The following CHRNA7 variants were observed in gnomAD, a reference collection of about 807,000 sequenced individuals.
CHRNA7 encodes the protein neuronal acetylcholine receptor subunit alpha-7.
CHRNA7 carries 17 observed loss-of-function variants against 48.0 expected under a neutral mutation model. That is an observed-to-expected ratio of 0.35 (90% CI 0.24 to 0.53). CHRNA7 has a LOEUF of 0.53. CHRNA7 is among the 20% of genes least tolerant of loss of function. The pLI is 0.92. For missense variants in CHRNA7, 155 were observed against 577.7 expected (o/e 0.27, Z 7.50); for synonymous variants, 75 against 242.3 (o/e 0.31, Z 6.41).
chr15:32,070,729 C>G (rs901649498), intron 2 of CHRNA7, among the ~76,000 whole-genome samples: 1 of 116,022 alleles, frequency 8.6e-6, no homozygotes, highest in Non-Finnish European at 1.6e-5. Flanking sequence ...CTCTGTCGCC[C>G]AGGCTGGAGT....
chr15:32,121,449 G>A (rs2050968596), intron 4 of CHRNA7, among the ~76,000 whole-genome samples: 1 of 152,234 alleles, frequency 6.6e-6, no homozygotes, highest in Non-Finnish European at 1.5e-5. Context: ...TAAATGGCTT[G>A]TTGACGCAGT....
chr15:32,032,309 G>A (rs1016317305), intron 2 of CHRNA7, among the ~76,000 whole-genome samples: 5 of 152,136 alleles, frequency 3.3e-5, no homozygotes, highest in Admixed American at 6.5e-5. Context: ...TGCTGTTTAT[G>A]GAGCAGTTCC....
In CHRNA7 at chr15:32,149,971, C is replaced by T. The variant is rs1039202535; in HGVS notation, c.351-3936C>T. Among the ~76,000 whole-genome samples the T allele has an allele frequency of 1.6e-4, 25 of 151,852 alleles. No homozygotes were observed. Among genetic ancestry groups the T allele is most frequent in the African/African-American group, 6.0e-4 (25 of 41,340 alleles). On this transcript the variant is annotated intron_variant, in intron 4 of 9. Coordinates refer to ENST00000306901, the MANE Select transcript of CHRNA7 (RefSeq NM_000746.6). The surrounding 1 kb of genome is among the most constrained non-coding windows in gnomAD (Gnocchi z 4.6). ...GGAAGAAACCCAAGCTTAAAATAAG[C>T]AAAACTTTGTTCCCCATAACATGCA...
In CHRNA7 at chr15:32,043,254, A is replaced by AG. The variant is rs1347566583; in HGVS notation, c.195+12217_195+12218insG. 5.3e-5 allele frequency among the ~76,000 whole-genome samples: 8 copies of AG among 151,556 alleles called. No homozygotes were observed. The South Asian group carries it at 1.3e-3, about 24-fold the overall frequency. ...TTTGTAATTTAAAAACCATTTTAAA[A>AG]ATGTGTTTAAATGATTTATGATGAT... On this transcript the variant is annotated intron_variant, in intron 2 of 9. Coordinates refer to ENST00000306901, the MANE Select transcript of CHRNA7 (RefSeq NM_000746.6).
chr15:32,132,283 A>G (rs949777300), intron 4 of CHRNA7, among the ~76,000 whole-genome samples: 1 of 152,020 alleles, frequency 6.6e-6, no homozygotes, highest in African/African-American at 2.4e-5. Flanking sequence ...TTTTTGGTGC[A>G]TTCTTCTCCA....
chr15:32,085,446 A>G (rs2050280767), intron 2 of CHRNA7, among the ~76,000 whole-genome samples: 1 of 152,224 alleles, frequency 6.6e-6, no homozygotes, highest in African/African-American at 2.4e-5. Context: ...TAAGATGCAC[A>G]TTAGTTTCAC....
intron 9 of CHRNA7, among the ~76,000 whole-genome samples, chr15:32,164,951 C>G: frequency 8.0e-6 from 1 of 125,240 alleles, no homozygotes; most frequent in Admixed American, 8.5e-5. Flanking sequence ...AAAAGACTGA[C>G]TTGTAGCTCA....
At chr15:32,065,993 A>T (rs549955852) in intron 2 of CHRNA7, among the ~76,000 whole-genome samples, 13 of 152,104 alleles carry the variant, frequency 8.5e-5, no homozygotes, top group African/African-American at 3.1e-4. Flanking sequence ...AGCCCACTGC[A>T]AACACTGGGG....
chr15:32,103,889 A>G (rs2050616463), intron 3 of CHRNA7, among the ~76,000 whole-genome samples: 2 of 152,210 alleles, frequency 1.3e-5, no homozygotes, highest in Non-Finnish European at 2.9e-5. Flanking sequence ...TGATACATCA[A>G]CAAATCCTGG....
At chr15:32,059,330 C>T (rs903455804) in intron 2 of CHRNA7, among the ~76,000 whole-genome samples, 1 of 152,120 alleles carries the variant, frequency 6.6e-6, no homozygotes, top group Non-Finnish European at 1.5e-5. Flanking sequence ...ATGGATTATG[C>T]AGTAGCCAAG....
At chr15:32,114,855 C>T (rs2050841731) in intron 4 of CHRNA7, among the ~76,000 whole-genome samples, 1 of 152,218 alleles carries the variant, frequency 6.6e-6, no homozygotes, top group South Asian at 2.1e-4. Flanking sequence ...CAGCCATGGG[C>T]TGGGGCTCCA....
intron 4 of CHRNA7, among the ~76,000 whole-genome samples, chr15:32,153,131 T>A (rs1296304957): frequency 6.6e-6 from 1 of 152,050 alleles, no homozygotes; most frequent in Non-Finnish European, 1.5e-5. Context: ...ATTCAAGATA[T>A]ATATGTGGGC....
intron 2 of CHRNA7, among the ~76,000 whole-genome samples, chr15:32,057,808 C>T (rs2049811465): frequency 6.6e-6 from 1 of 152,130 alleles, no homozygotes; most frequent in Admixed American, 6.5e-5. Context: ...AAATGGACAA[C>T]GTCCATAGAA....
chr15:32,131,078 A>G (rs968450189), intron 4 of CHRNA7, among the ~76,000 whole-genome samples: 1 of 151,824 alleles, frequency 6.6e-6, no homozygotes, highest in African/African-American at 2.4e-5. Context: ...CCCCTTACGG[A>G]TCATTTTTCT....
Position 32,083,948 on chromosome 15 carries a change from A to G in CHRNA7, c.196-17355A>G, listed in dbSNP as rs2050255325. Among the ~76,000 whole-genome samples the G allele has an allele frequency of 3.3e-5, 5 of 152,304 alleles. No homozygotes were observed. In the South Asian group the frequency reaches 1.0e-3, roughly 32 times the overall value. ...ATGAATGGTCTGTATTTGATTTTTT[A>G]GCACCTCACTATTCATCAGTATAAG... On this transcript the variant is annotated intron_variant, in intron 2 of 9. Coordinates refer to ENST00000306901, the MANE Select transcript of CHRNA7 (RefSeq NM_000746.6).
chr15:32,072,551 G>A (rs1448858181), intron 2 of CHRNA7, among the ~76,000 whole-genome samples: 1 of 152,198 alleles, frequency 6.6e-6, no homozygotes, highest in Non-Finnish European at 1.5e-5. Context: ...TGGGGAAAAG[G>A]CCTTGAAGGG....
chr15:32,126,010 CAA>C (rs35928459), intron 4 of CHRNA7, among the ~76,000 whole-genome samples: 26 of 146,868 alleles, frequency 1.8e-4, no homozygotes, highest in African/African-American at 3.7e-4. Context: ...TAGCTGATAG[CAA>C]AAAAAAAAAA....
At chr15:32,065,227 G>A (rs2049944808) in intron 2 of CHRNA7, among the ~76,000 whole-genome samples, 1 of 152,152 alleles carries the variant, frequency 6.6e-6, no homozygotes, top group Non-Finnish European at 1.5e-5. Flanking sequence ...CTCCCTGGTA[G>A]CCTTGAATCT....
At chr15:32,057,893 G>C (rs1420907235) in intron 2 of CHRNA7, among the ~76,000 whole-genome samples, 2 of 152,196 alleles carry the variant, frequency 1.3e-5, no homozygotes, top group African/African-American at 4.8e-5. Flanking sequence ...TAGAAATCAG[G>C]ATATACATGT....
Sources: gnomAD v4.1 joint callset for allele counts (sites outside exome capture counted in the v4.1 genomes callset) on GRCh38, gnomAD v4.1.1 for gene constraint, Gnocchi (gnomAD v3.1) non-coding constraint, MANE v1.5 for transcripts, NCBI Gene and HGNC (gene_info 2026-07-23, HGNC 2026-07-21) for gene names.